ATR: variants seen among roughly 807,000 people sequenced by gnomAD.
ATR encodes the protein ATR checkpoint kinase.
A neutral mutation model predicts 305.3 loss-of-function variants in ATR; 142 were observed. The observed-to-expected ratio is 0.47, with a 90% confidence interval of 0.41 to 0.53. The LOEUF is 0.53. Ranked by LOEUF, ATR falls within the 20% of genes least tolerant of loss-of-function variation. The pLI is 0.00. For synonymous variants in ATR, 1,050 were observed against 1,068.1 expected (o/e 0.98, Z 0.33); for missense variants, 2,135 against 3,133.1 (o/e 0.68, Z 7.60).
intron 21 of ATR, among the ~76,000 whole-genome samples, chr3:142,531,274 C>A (rs1417110817): frequency 6.6e-6 from 1 of 151,864 alleles, no homozygotes; most frequent in Non-Finnish European, 1.5e-5. Flanking sequence ...TATTATTATA[C>A]TTTAAGTTTT....
Position 142,493,313 on chromosome 3 carries a change from T to A in ATR, c.5899-2A>T, listed in dbSNP as rs780638501. ...AATTAGTGCCTGGTGAACATCACCC[T>A]AAAAGAAAAAAGGCAACAATAAGCC... On this transcript the variant is annotated splice_acceptor_variant, in intron 34 of 46. Transcript: ENST00000350721. LOFTEE classifies it high-confidence loss of function. 6.2e-7 allele frequency: 1 copy of A among 1,608,884 alleles called. No individual in the cohort carries two copies. The highest frequency in any genetic ancestry group is 8.5e-7 in the Non-Finnish European group (1 of 1,177,918).
intron 38 of ATR, 23 bp downstream of exon 38, chr3:142,469,313 TA>T (rs1559912796): frequency 6.4e-7 from 1 of 1,574,332 alleles, no homozygotes; most frequent in Non-Finnish European, 8.7e-7. Context: ...TCTTTTCATA[TA>T]AAAAGGTAAA....
chr3:142,467,684 C>T (rs2071162117), intron 39 of ATR, among the ~76,000 whole-genome samples: 1 of 151,940 alleles, frequency 6.6e-6, no homozygotes, highest in Non-Finnish European at 1.5e-5. Context: ...GATATCTACT[C>T]TCGGAAAATT....
chr3:142,532,924 C>G (rs1312024630), intron 21 of ATR, among the ~76,000 whole-genome samples: 3 of 152,190 alleles, frequency 2.0e-5, no homozygotes, highest in African/African-American at 7.2e-5. Context: ...GTTTCATGCT[C>G]TGGTGGTATT....
At chr3:142,541,119 C>T in intron 17 of ATR, 85 bp from the exon 18 acceptor site, 2 of 1,507,852 alleles carry the variant, frequency 1.3e-6, no homozygotes, top group Admixed American at 1.7e-5. Flanking sequence ...TGCTTCCCAC[C>T]CAGTATCAGG....
At chr3:142,512,803 C>T (rs1376989001) in intron 26 of ATR, among the ~76,000 whole-genome samples, 1 of 152,074 alleles carries the variant, frequency 6.6e-6, no homozygotes, top group South Asian at 2.1e-4. Context: ...TGCAGTGAGC[C>T]AAGAGCATCA....
chr3:142,559,944 C>T (rs1156834300), intron 6 of ATR, among the ~76,000 whole-genome samples: 1 of 152,144 alleles, frequency 6.6e-6, no homozygotes, highest in Admixed American at 6.5e-5. Context: ...TGTTCTGGTA[C>T]TTTCTAATCA....
chr3:142,470,801 C>T (rs1039961900), intron 36 of ATR, among the ~76,000 whole-genome samples: 11 of 152,158 alleles, frequency 7.2e-5, no homozygotes, highest in Admixed American at 3.3e-4. Context: ...CTAGTTTCTG[C>T]ACCATCCTAC....
chr3:142,551,705 C>A lies in ATR; in HGVS notation c.2806-1403G>T, dbSNP rs367549290. On this transcript the variant is annotated intron_variant, in intron 13 of 46. Coordinates refer to ENST00000350721, the MANE Select transcript of ATR (RefSeq NM_001184.4). ...GGATTAAAGACTTAAATGTAAAACT[C>A]AAAACTATAAAAACTCTAGAAGAAA... is the stretch of plus-strand genomic sequence containing the variant. 2.6e-5 allele frequency among the ~76,000 whole-genome samples: 4 copies of A among 152,130 alleles called. No homozygotes were observed. In the South Asian group the frequency reaches 8.3e-4, roughly 32 times the overall value.
intron 7 of ATR, 44 bp downstream of exon 7, chr3:142,559,205 GAT>G (rs1390983573): frequency 1.3e-5 from 21 of 1,575,960 alleles, no homozygotes; most frequent in Non-Finnish European, 1.6e-5. Context: ...TTTCTATACT[GAT>G]TATCTTTAAA....
intron 20 of ATR, 82 bp from the exon 21 acceptor site, chr3:142,535,287 G>C (rs1006428300): frequency 1.9e-6 from 3 of 1,552,146 alleles, no homozygotes; most frequent in Non-Finnish European, 2.7e-6. Flanking sequence ...TCTCTATATA[G>C]TTACCATTAA....
chr3:142,467,986 A>G lies in ATR; in HGVS notation c.6635T>C (p.Val2212Ala), dbSNP rs2108275967. ...ATCTGTTAGGCGAGTTGCATCTCCA[A>G]CAAACTTCTCTAAGGATTTTTTCAT... ...IHMKKSLEKF[V>A]GDATRLTDKL... is the part of the protein sequence containing the mutation. Residue 2212 changes from valine to alanine, a missense_variant, in exon 39 of 47, where the codon GTT becomes GCT. Around this residue, in one of 9 missense-constraint regions of ATR, gnomAD observed 462 missense variants for 887.6 expected, o/e 0.52. Coordinates refer to ENST00000350721, the MANE Select transcript of ATR (RefSeq NM_001184.4). The G allele has an allele frequency of 2.5e-6, 4 of 1,613,156 alleles. No individual in the cohort carries two copies. The highest frequency in any genetic ancestry group is 2.5e-6 in the Non-Finnish European group (3 of 1,179,514).
intron 24 of ATR, 131 bp downstream of exon 24, chr3:142,519,538 G>C: frequency 5.9e-6 from 4 of 675,572 alleles, no homozygotes; most frequent in South Asian, 5.4e-5. Context: ...CTGACCTCGT[G>C]ATCCGCCCGC....
intron 19 of ATR, among the ~76,000 whole-genome samples, chr3:142,536,663 C>T (rs2033871572): frequency 6.6e-6 from 1 of 152,188 alleles, no homozygotes; most frequent in South Asian, 2.1e-4. Context: ...TGTGAGACTA[C>T]ACGGAATGAG....
chr3:142,528,854 C>CATATATATATATATATATATATATAT (rs1191100552), intron 21 of ATR, among the ~76,000 whole-genome samples: 1 of 65,716 alleles, frequency 1.5e-5, no homozygotes, highest in Non-Finnish European at 2.4e-5. Flanking sequence ...CTGGAATTAT[C>CATATATATATATATATATATATATAT]ATATATATAT....
Position 142,519,021 on chromosome 3 carries a change from A to C in ATR, c.4382+648T>G, listed in dbSNP as rs1254281347. Reference sequence around the variant, plus strand: ...ACTAAAGGCTTTCTGACTAGCTTTAAACTTTAAATTTCTGTATTACTTATA... The same window carrying C: ...ACTAAAGGCTTTCTGACTAGCTTTACACTTTAAATTTCTGTATTACTTATA... On this transcript the variant is annotated intron_variant, in intron 24 of 46. Coordinates refer to ENST00000350721, the MANE Select transcript of ATR (RefSeq NM_001184.4). 2.0e-5 allele frequency among the ~76,000 whole-genome samples: 3 copies of C among 152,308 alleles called. No individual in the cohort carries two copies. In the East Asian group the frequency reaches 5.8e-4, roughly 29 times the overall value.
chr3:142,544,769 G>A (rs1577669768), intron 16 of ATR, among the ~76,000 whole-genome samples: 1 of 152,094 alleles, frequency 6.6e-6, no homozygotes, highest in South Asian at 2.1e-4. Context: ...GTAGGAGGGT[G>A]TGTGCTACCA....
intron 38 of ATR, among the ~76,000 whole-genome samples, chr3:142,468,707 TG>T (rs1225539031): frequency 1.3e-5 from 2 of 152,132 alleles, no homozygotes; most frequent in African/African-American, 4.8e-5. Context: ...ATTCAGGTAC[TG>T]GCGGGGCACG....
At chr3:142,553,104 T>TA in intron 13 of ATR, 123 bp downstream of exon 13, 1 of 1,297,510 alleles carries the variant, frequency 7.7e-7, no homozygotes, top group Non-Finnish European at 1.1e-6. Context: ...CCCCTGAACT[T>TA]AAAATATAAA....
Sources: gnomAD v4.1 joint callset for allele counts (sites outside exome capture counted in the v4.1 genomes callset) on GRCh38, gnomAD v4.1.1 for gene constraint, gnomAD v4.1.1 regional missense constraint, MANE v1.5 for transcripts, NCBI Gene and HGNC (gene_info 2026-07-23, HGNC 2026-07-21) for gene names.